Variants in GRIA4 observed in about 807,000 individuals in gnomAD.
GRIA4 encodes glutamate receptor 4.
GRIA4 carries 34 observed loss-of-function variants against 104.0 expected under a neutral mutation model. The observed-to-expected ratio is 0.33, with a 90% CI of 0.25 to 0.44. GRIA4 has a LOEUF of 0.44. GRIA4 is among the 20% of genes least tolerant of loss of function. GRIA4 has a pLI of 1.00. For missense variants in GRIA4, 750 were observed against 1,096.5 expected (o/e 0.68, Z 4.46); for synonymous variants, 386 against 381.9 (o/e 1.01, Z -0.13).
At chr11:105,792,127 T>C (rs534607041) in intron 4 of GRIA4, among the ~76,000 whole-genome samples, 2 of 152,248 alleles carry the variant, frequency 1.3e-5, no homozygotes, top group African/African-American at 4.8e-5. Context: ...TTTCTTCTCA[T>C]AGGAAAAGCA....
intron 9 of GRIA4, among the ~76,000 whole-genome samples, chr11:105,907,913 C>T (rs1334758720): frequency 6.6e-6 from 1 of 152,096 alleles, no homozygotes; most frequent in East Asian, 1.9e-4. Context: ...TCCTGCAGCT[C>T]AAACCAAAAT....
At chr11:105,859,500 A>G (rs1309869012) in intron 4 of GRIA4, among the ~76,000 whole-genome samples, 3 of 152,194 alleles carry the variant, frequency 2.0e-5, no homozygotes, top group Non-Finnish European at 1.5e-5. Flanking sequence ...TTCAATTTGT[A>G]AGGTAAGTGG....
intron 3 of GRIA4, among the ~76,000 whole-genome samples, chr11:105,673,797 T>C (rs1045295276): frequency 6.6e-6 from 1 of 151,908 alleles, no homozygotes. Context: ...TAAAAATAAA[T>C]AAATATTTAA....
At chr11:105,730,925 C>A (rs1938545545) in intron 3 of GRIA4, among the ~76,000 whole-genome samples, 1 of 152,100 alleles carries the variant, frequency 6.6e-6, no homozygotes, top group South Asian at 2.1e-4. Context: ...CATAAAAACC[C>A]TAGAAGAAAA....
chr11:105,815,582 T>C (rs997906614), intron 4 of GRIA4, among the ~76,000 whole-genome samples: 2 of 152,038 alleles, frequency 1.3e-5, no homozygotes, highest in African/African-American at 4.8e-5. Flanking sequence ...CTGCTGTTGA[T>C]GCCGCTCCAG....
intron 10 of GRIA4, among the ~76,000 whole-genome samples, chr11:105,914,837 T>C (rs1423938142): frequency 6.6e-6 from 1 of 152,142 alleles, no homozygotes; most frequent in Non-Finnish European, 1.5e-5. Flanking sequence ...ATTGAACACT[T>C]GGGAATTCAT....
intron 4 of GRIA4, among the ~76,000 whole-genome samples, chr11:105,757,986 G>A (rs1021540156): frequency 1.3e-5 from 2 of 152,130 alleles, no homozygotes; most frequent in Admixed American, 1.3e-4. Flanking sequence ...GCTTATGCCT[G>A]TAATTCTGAC....
intron 3 of GRIA4, among the ~76,000 whole-genome samples, chr11:105,640,917 G>T (rs1015484353): frequency 1.3e-5 from 2 of 151,566 alleles, no homozygotes; most frequent in African/African-American, 4.8e-5. Flanking sequence ...TTCCTTTAAC[G>T]TGTAAAAATA....
At chr11:105,776,307 C>A (rs1941448221) in intron 4 of GRIA4, among the ~76,000 whole-genome samples, 1 of 152,018 alleles carries the variant, frequency 6.6e-6, no homozygotes, top group Non-Finnish European at 1.5e-5. Context: ...AAATATGCAA[C>A]ATCTGTATTT....
At chr11:105,649,481 A>C (rs1318092888) in intron 3 of GRIA4, among the ~76,000 whole-genome samples, 2 of 152,154 alleles carry the variant, frequency 1.3e-5, no homozygotes, top group Admixed American at 6.5e-5. Context: ...ATTCTATTTG[A>C]TAGACAAGGT....
chr11:105,821,330 A>C (rs1326907249), intron 4 of GRIA4, among the ~76,000 whole-genome samples: 1 of 152,118 alleles, frequency 6.6e-6, no homozygotes, highest in Non-Finnish European at 1.5e-5. Context: ...AGGAGGGGGT[A>C]TTAGGTCGTT....
chr11:105,906,264 A>G (rs909785849), intron 9 of GRIA4, among the ~76,000 whole-genome samples: 1 of 152,180 alleles, frequency 6.6e-6, no homozygotes, highest in Non-Finnish European at 1.5e-5. Context: ...TTATGGCCCA[A>G]TAAGTTATCT....
chr11:105,613,811 G>A (rs41302409), intron 3 of GRIA4: 1 of 151,922 alleles, frequency 6.6e-6, no homozygotes, highest in African/African-American at 2.4e-5. Context: ...TTTCAGGAAG[G>A]CTATAGGTTC....
At chr11:105,659,172 T>C (rs1951933373) in intron 3 of GRIA4, among the ~76,000 whole-genome samples, 1 of 151,926 alleles carries the variant, frequency 6.6e-6, no homozygotes, top group African/African-American at 2.4e-5. Context: ...GCTGCGGGGA[T>C]TGTCACCCAA....
intron 3 of GRIA4, among the ~76,000 whole-genome samples, chr11:105,704,548 G>A (rs965896112): frequency 1.3e-5 from 2 of 152,060 alleles, no homozygotes; most frequent in African/African-American, 4.8e-5. Flanking sequence ...AATAAAAATA[G>A]AGGCTTTTGA....
intron 4 of GRIA4, among the ~76,000 whole-genome samples, chr11:105,787,306 A>C (rs528990045): frequency 3.9e-5 from 6 of 152,240 alleles, no homozygotes; most frequent in Admixed American, 2.6e-4. Context: ...ATTAAAGTAC[A>C]TAAGGCCCTA....
At chr11:105,657,721 T>C (rs181971667) in intron 3 of GRIA4, among the ~76,000 whole-genome samples, 1 of 152,044 alleles carries the variant, frequency 6.6e-6, no homozygotes, top group Non-Finnish European at 1.5e-5. Flanking sequence ...ATCAGTCACC[T>C]ACTGATGGCA....
At chr11:105,745,178 A>G (rs1939570702) in intron 3 of GRIA4, among the ~76,000 whole-genome samples, 2 of 152,174 alleles carry the variant, frequency 1.3e-5, no homozygotes, top group African/African-American at 4.8e-5. Context: ...TAATAAAATA[A>G]TAATAACGAT....
intron 4 of GRIA4, among the ~76,000 whole-genome samples, chr11:105,803,147 T>A (rs545275657): frequency 6.6e-6 from 1 of 152,128 alleles, no homozygotes; most frequent in South Asian, 2.1e-4. Context: ...AGCACACTGC[T>A]TGTATAAAAA....
Sources: gnomAD v4.1 joint callset for allele counts (sites outside exome capture counted in the v4.1 genomes callset) on GRCh38, gnomAD v4.1.1 for gene constraint, MANE v1.5 for transcripts, NCBI Gene and HGNC (gene_info 2026-07-23, HGNC 2026-07-21) for gene names.